NLRP7: variants seen among roughly 807,000 people sequenced by gnomAD.
NLRP7 encodes the protein NLR family pyrin domain containing 7.
In NLRP7, 72 loss-of-function variants were observed where a neutral mutation model predicts 85.5. That is an observed-to-expected ratio of 0.84 (90% CI 0.70 to 1.02). NLRP7 has a LOEUF of 1.02. Ranked by LOEUF, NLRP7 falls within the 50% of genes least tolerant of loss-of-function variation. The pLI is 0.00. For synonymous variants in NLRP7, 550 were observed against 505.2 expected (o/e 1.09, Z -1.19); for missense variants, 1,243 against 1,219.5 (o/e 1.02, Z -0.29).
chr19:54,930,227 G>A (rs1320727270), intron 9 of NLRP7, among the ~76,000 whole-genome samples: 1 of 151,986 alleles, frequency 6.6e-6, no homozygotes, highest in East Asian at 1.9e-4. Flanking sequence ...AGCACATTGG[G>A]AGGCCGAGGT....
intron 5 of NLRP7, among the ~76,000 whole-genome samples, chr19:54,936,887 C>G (rs1018360077): frequency 6.6e-6 from 1 of 151,654 alleles, no homozygotes; most frequent in Non-Finnish European, 1.5e-5. Context: ...TGCACTCCAG[C>G]CTGGGCAACA....
chr19:54,958,645 AAAT>A (rs199572658), intron 1 of NLRP7, among the ~76,000 whole-genome samples: 2 of 151,136 alleles, frequency 1.3e-5, no homozygotes, highest in South Asian at 2.1e-4. Context: ...ACTCTGTCTC[AAAT>A]AATAATAATA....
chr19:54,933,446 C>G, intron 8 of NLRP7, 123 bp downstream of exon 8: 1 of 1,284,702 alleles, frequency 7.8e-7, no homozygotes, highest in Admixed American at 2.0e-5. Context: ...CGCCTGGCCT[C>G]TGCCTGTTCT....
rs537642834 is a variant in NLRP7, at chr19:54,934,058, C to G, written c.2472-319G>C. Among the ~76,000 whole-genome samples, 1 of 152,200 alleles carries G rather than the reference C, an allele frequency of 6.6e-6. No individual in the cohort carries two copies. The highest frequency in any genetic ancestry group is 6.6e-5 in the Admixed American group (1 of 15,264). On this transcript the variant is annotated intron_variant, in intron 7 of 9. Coordinates refer to ENST00000340844, the Ensembl canonical transcript of NLRP7. The surrounding 1 kb of genome is among the most constrained non-coding windows in gnomAD (Gnocchi z 6.7). ...TCCCAGGTTTACACCATTCTGCTGACTCAGCCTCCTGAGTAGCTGGGACTA... is the reference window on the plus strand; with the variant it reads ...TCCCAGGTTTACACCATTCTGCTGAGTCAGCCTCCTGAGTAGCTGGGACTA...
At chr19:54,935,813 G>A (rs534664154) in intron 6 of NLRP7, among the ~76,000 whole-genome samples, 121 of 152,128 alleles carry the variant, frequency 8.0e-4, no homozygotes, top group Middle Eastern at 3.4e-3. Context: ...CCCAAAGTGC[G>A]AGGATCATGC....
chr19:54,945,129 G>C (rs1263263545), intron 1 of NLRP7, among the ~76,000 whole-genome samples: 28 of 150,988 alleles, frequency 1.9e-4, no homozygotes, highest in Non-Finnish European at 2.8e-4. Flanking sequence ...TGTAGTCCCA[G>C]CTACTTGGGA....
chr19:54,936,807 C>T (rs1042047713), intron 5 of NLRP7, among the ~76,000 whole-genome samples: 1 of 151,924 alleles, frequency 6.6e-6, no homozygotes, highest in Non-Finnish European at 1.5e-5. Context: ...CCCAGGTATT[C>T]GGGAGGCTGA....
chr19:54,934,768 G>A lies in NLRP7; in HGVS notation c.2301-109C>T, dbSNP rs2068834529. 1.1e-6 allele frequency: 1 copy of A among 893,106 alleles called. No individual in the cohort carries two copies. The highest frequency in any genetic ancestry group is 1.7e-6 in the Non-Finnish European group (1 of 592,572). The allele number at this position is 893,106 out of a possible 1,614,324, so 55.3% of individuals were successfully genotyped here. ...TCTGTTGCCCAGTCTGGAATGCAAA[G>A]GCGTGATCTCACCTCACTGCAGCCT... On this transcript the variant is annotated intron_variant, in intron 6 of 9. Coordinates refer to ENST00000340844, the Ensembl canonical transcript of NLRP7. The surrounding 1 kb of genome is among the most constrained non-coding windows in gnomAD (Gnocchi z 6.7).
In NLRP7 at chr19:54,934,730, GAC is replaced by G; in HGVS notation, c.2301-73_2301-72del. ...TACCCTATCAGCTTTTTTTTTTTGA[GAC>G]AGAGTTTCACTCTGTTGCCCAGTCT... On this transcript the variant is annotated intron_variant, in intron 6 of 9. Coordinates refer to ENST00000340844, the Ensembl canonical transcript of NLRP7. The surrounding 1 kb of genome is among the most constrained non-coding windows in gnomAD (Gnocchi z 6.7). The G allele has an allele frequency of 7.8e-7, 1 of 1,276,908 alleles. No homozygotes were observed. Among genetic ancestry groups the G allele is most frequent in the Non-Finnish European group, 1.1e-6 (1 of 926,050 alleles). 79.1% of individuals were successfully genotyped at this position (1,276,908 alleles called of 1,614,324 possible).
At chr19:54,947,795 C>G, upstream of NLRP7, 1 of 472,330 alleles carries the variant, frequency 2.1e-6, no homozygotes, top group South Asian at 1.7e-5. Context: ...GGCGACAGAA[C>G]AGGAAATACA....
intron 3 of NLRP7, 31 bp from the exon 4 acceptor site, chr19:54,940,497 T>C (rs371678065): frequency 3.7e-6 from 6 of 1,610,068 alleles, no homozygotes; most frequent in African/African-American, 1.3e-5. Context: ...ACAGTTGAGG[T>C]TGATGATGAT....
intron 8 of NLRP7, among the ~76,000 whole-genome samples, chr19:54,931,531 A>G (rs1016620992): frequency 6.6e-6 from 1 of 152,138 alleles, no homozygotes; most frequent in Non-Finnish European, 1.5e-5. Context: ...TCTACTAAAA[A>G]TACAAAATTA....
Position 54,932,320 on chromosome 19 carries a change from T to G in NLRP7, c.2642+1249A>C, listed in dbSNP as rs573100709. On this transcript the variant is annotated intron_variant, in intron 8 of 9. Transcript: ENST00000340844. ...GAGGGCACCTGTAATCCCAGCTACT[T>G]GGGAGGCTGAGGCAGGAGAATCGCT... 3.7e-3 allele frequency among the ~76,000 whole-genome samples: 558 copies of G among 151,352 alleles called. 3 individuals are homozygous for G. The highest frequency in any genetic ancestry group is 5.8e-3 in the Non-Finnish European group (392 of 67,828).
exon 10 of NLRP7, chr19:54,923,795 A>G (rs779584632): frequency 5.0e-6 from 8 of 1,613,990 alleles, no homozygotes; most frequent in South Asian, 1.1e-5. Flanking sequence ...ATTGCAATCA[A>G]TAGTCAGCTT....
At position 54,930,534 on chromosome 19, in the gene NLRP7, T is replaced by C. The variant is rs269950; in HGVS notation, c.2775A>G (p.Ala925=). The stretch of plus-strand genomic sequence containing the variant: ...TTAGGTTACAGTTTGGATTCTCTAA[T>C]GCCTGACAGAGAATCCACAATCCAC... Residue 925 remains alanine (A), a synonymous_variant, in exon 9 of 10, where the codon GCA becomes GCG. Coordinates refer to ENST00000340844, the Ensembl canonical transcript of NLRP7. The C allele has an allele frequency of 0.56, 901,293 of 1,607,408 alleles. 254,815 individuals carry two copies. The highest frequency in any genetic ancestry group is 0.72 in the East Asian group (32,195 of 44,810).
chr19:54,949,706 G>T (rs1164862374), upstream of NLRP7, among the ~76,000 whole-genome samples: 3 of 152,122 alleles, frequency 2.0e-5, no homozygotes, highest in African/African-American at 7.2e-5. Flanking sequence ...GCTCCAAGTG[G>T]CCTCCAGGGA....
intron 1 of NLRP7, among the ~76,000 whole-genome samples, chr19:54,962,150 C>T (rs1370860148): frequency 8.9e-6 from 1 of 112,248 alleles, no homozygotes; most frequent in African/African-American, 3.4e-5. Context: ...GCGACAAGAG[C>T]AAAACTCCAT....
rs1177520596 is a variant in NLRP7 at position 54,934,605 on chromosome 19, G to C, written c.2355C>G (p.Leu785=). The C allele has an allele frequency of 6.2e-7, 1 of 1,614,026 alleles. No homozygotes were observed. Among genetic ancestry groups the C allele is most frequent in the Non-Finnish European group, 8.5e-7 (1 of 1,180,010 alleles). ...GGTGCTTCAGGGACTGGTTGGCTTT[G>C]AGGACATAGAAGAATTCAGCCCACT... is the stretch of plus-strand genomic sequence containing the variant. Residue 785 remains leucine, a synonymous_variant, in exon 7 of 10, where the codon CTC becomes CTG. Coordinates refer to ENST00000340844, the Ensembl canonical transcript of NLRP7. The surrounding 1 kb of genome is among the most constrained non-coding windows in gnomAD (Gnocchi z 6.7).
chr19:54,930,806 C>A lies in NLRP7; in HGVS notation c.2643-140G>T, dbSNP rs571733583. The A allele has an allele frequency of 3.9e-5, 29 of 737,358 alleles. No homozygotes were observed. In the East Asian group the frequency reaches 8.0e-4, roughly 20 times the overall value. 45.7% of individuals were successfully genotyped at this position (737,358 alleles called of 1,614,324 possible). On this transcript the variant is annotated intron_variant, in intron 8 of 9. Transcript: ENST00000340844. ...TCTTGGCTCACTGCAACCTCTGCCT[C>A]CCAGGTTCAAGCGATTCTTCTGCCT...
Sources: gnomAD v4.1 joint callset for allele counts (sites outside exome capture counted in the v4.1 genomes callset) on GRCh38, gnomAD v4.1.1 for gene constraint, Gnocchi (gnomAD v3.1) non-coding constraint, MANE v1.5 for transcripts, NCBI Gene and HGNC (gene_info 2026-07-23, HGNC 2026-07-21) for gene names.